The following PCLO variants were observed in gnomAD, a reference collection of about 807,000 sequenced individuals.
The protein encoded by PCLO is protein piccolo.
A neutral mutation model predicts 427.5 loss-of-function variants in PCLO; 82 were observed. The ratio of observed to expected loss-of-function variants is 0.19; its 90% CI spans 0.16 to 0.23. The LOEUF is 0.23. PCLO is among the 10% of genes least tolerant of loss of function. The probability of loss-of-function intolerance (pLI) is 1.00; values close to 1 mark genes in which losing one functional copy is unlikely to be tolerated. For missense variants in PCLO, 6,239 were observed against 6,115.9 expected (o/e 1.02, Z -0.67); for synonymous variants, 2,357 against 2,155.4 (o/e 1.09, Z -2.59).
intron 3 of PCLO, among the ~76,000 whole-genome samples, chr7:83,018,823 G>T (rs1788271448): frequency 6.6e-6 from 1 of 151,904 alleles, no homozygotes; most frequent in East Asian, 1.9e-4. Context: ...CTTAGTAAAG[G>T]ATTCCACAGC....
intron 3 of PCLO, among the ~76,000 whole-genome samples, chr7:83,015,699 G>A (rs1020585199): frequency 1.3e-5 from 2 of 152,190 alleles, no homozygotes; most frequent in African/African-American, 4.8e-5. Flanking sequence ...CCATTTTGAA[G>A]TAGCTAAATG....
At chr7:82,814,231 A>C (rs1376699422) in intron 20 of PCLO, among the ~76,000 whole-genome samples, 1 of 151,642 alleles carries the variant, frequency 6.6e-6, no homozygotes, top group East Asian at 1.9e-4. Context: ...ATATAAATTG[A>C]AAAAATGTCA....
chr7:82,824,400 G>C lies in PCLO; in HGVS notation c.14432C>G (p.Ser4811Cys). 1 of 1,596,308 alleles carries C rather than the reference G, an allele frequency of 6.3e-7. No individual in the cohort carries two copies. The highest frequency in any genetic ancestry group is 8.5e-7 in the Non-Finnish European group (1 of 1,170,232). The change falls in exon 19 of 25, where the codon TCT (serine) becomes TGT (cysteine). Residue 4811 changes from serine to cysteine, a missense_variant. Ser to Cys is a moderately radical substitution (Grantham distance 112). Transcript: ENST00000333891. ...DFLGEVLIDL[S>C]STSHLDNTPR... is the part of the protein sequence containing the mutation. ...AGTGTTATCGAGGTGAGATGTGCTA[G>C]ATAAATCAATCAATACCTGAAAAAA...
intron 10 of PCLO, among the ~76,000 whole-genome samples, chr7:82,856,102 G>A (rs1415354064): frequency 2.0e-5 from 3 of 152,086 alleles, no homozygotes; most frequent in African/African-American, 7.2e-5. Context: ...CTGATGTACA[G>A]AGGCCCAAAC....
At chr7:83,142,426 G>A (rs942817789) in intron 2 of PCLO, among the ~76,000 whole-genome samples, 3 of 152,240 alleles carry the variant, frequency 2.0e-5, no homozygotes, top group African/African-American at 7.2e-5. Context: ...CTGAGTAAGA[G>A]ATTCCCAGTC....
intron 8 of PCLO, among the ~76,000 whole-genome samples, chr7:82,903,162 A>G (rs1794099253): frequency 1.3e-5 from 2 of 151,832 alleles, no homozygotes; most frequent in African/African-American, 4.8e-5. Context: ...GTGCCGGGGG[A>G]GAAAAAATAG....
rs535053524 is a variant in PCLO, at chr7:82,947,499, G to T, written c.11112+1977C>A. Among the ~76,000 whole-genome samples, 24 of 152,174 alleles carry T rather than the reference G, an allele frequency of 1.6e-4. No individual in the cohort carries two copies. In the East Asian group the frequency reaches 4.4e-3, roughly 28 times the overall value. On this transcript the variant is annotated intron_variant, in intron 6 of 24. Coordinates refer to ENST00000333891, the MANE Select transcript of PCLO (RefSeq NM_033026.6). ...TTAAAATAGACTCAAAGTATGTCTA[G>T]ACATTTGCCTAGAAATTATAAAATT...
intron 3 of PCLO, among the ~76,000 whole-genome samples, chr7:82,992,697 CACGTCT>C (rs1796405506): frequency 6.6e-6 from 1 of 151,876 alleles, no homozygotes; most frequent in Non-Finnish European, 1.5e-5. Context: ...CACCATGGCA[CACGTCT>C]ACCTATGTAA....
intron 20 of PCLO, among the ~76,000 whole-genome samples, chr7:82,817,593 A>G (rs930481524): frequency 2.6e-5 from 4 of 152,168 alleles, no homozygotes; most frequent in African/African-American, 9.6e-5. Flanking sequence ...TGGCTTAGTA[A>G]GAGTTCACCA....
chr7:82,827,978 G>C lies in PCLO; in HGVS notation c.14250-12C>G. 6.8e-7 allele frequency: 1 copy of C among 1,476,964 alleles called. No homozygotes were observed. 91.5% of individuals were successfully genotyped at this position (1,476,964 alleles called of 1,614,324 possible). On this transcript the variant is annotated splice_polypyrimidine_tract_variant and intron_variant, in intron 16 of 24. Transcript: ENST00000333891. ...TCTTGTACTCAGCACTGAATTGGGA[G>C]AAAAGAAAGAGTTATCTTGATTATT...
intron 3 of PCLO, among the ~76,000 whole-genome samples, chr7:83,068,030 A>G (rs1018495247): frequency 5.3e-5 from 8 of 152,226 alleles, no homozygotes; most frequent in African/African-American, 1.7e-4. Flanking sequence ...ATAGGTATAC[A>G]TAAGAATTCT....
intron 3 of PCLO, among the ~76,000 whole-genome samples, chr7:83,061,021 C>A (rs942244332): frequency 4.6e-5 from 7 of 152,158 alleles, no homozygotes; most frequent in African/African-American, 1.7e-4. Context: ...TTGGGCACAA[C>A]AGATATATGG....
At position 83,135,204 on chromosome 7, in the gene PCLO, T is replaced by C. The variant is rs1791691144; in HGVS notation, c.2346A>G (p.Lys782=). The change falls in exon 3 of 25, where the codon AAA becomes AAG. Residue 782 remains lysine, a synonymous_variant. Coordinates refer to ENST00000333891, the MANE Select transcript of PCLO (RefSeq NM_033026.6). The part of the protein sequence containing the change: ...ATTKPDIPSS[K]VQSQAEEKTT... ...TTTTCTCTTCAGCTTGTGACTGTAC[T>C]TTGGAGCTTGGAATATCAGGTTTTG... The C allele has an allele frequency of 6.2e-7, 1 of 1,613,774 alleles. No individual in the cohort carries two copies. Among genetic ancestry groups the C allele is most frequent in the African/African-American group, 1.3e-5 (1 of 74,894 alleles).
intron 4 of PCLO, among the ~76,000 whole-genome samples, chr7:82,962,951 C>T (rs751626233): frequency 5.3e-5 from 8 of 151,742 alleles, no homozygotes; most frequent in Non-Finnish European, 7.4e-5. Context: ...TACTGTTTAC[C>T]TCATGGAAAA....
chr7:83,156,451 T>C, intron 1 of PCLO, 59 bp from the exon 2 acceptor site: 1 of 1,112,014 alleles, frequency 9.0e-7, no homozygotes, highest in East Asian at 2.6e-5. Context: ...TTATTTCAAA[T>C]CAAAGTAATA....
chr7:82,946,830 T>C (rs1795214888), intron 6 of PCLO, among the ~76,000 whole-genome samples: 1 of 152,200 alleles, frequency 6.6e-6, no homozygotes. Context: ...CTGATGTACA[T>C]TTTAGAAAAT....
intron 3 of PCLO, among the ~76,000 whole-genome samples, chr7:83,014,735 G>A (rs117179669): frequency 7.9e-4 from 120 of 152,114 alleles, no homozygotes; most frequent in South Asian, 6.9e-3. Context: ...GGATGTATCC[G>A]GCTACCTTTC....
rs746147472 is a variant in PCLO at position 83,155,531 on chromosome 7, C to T, written c.1110G>A (p.Lys370=). ...CTGACCCAGTCTGCTGAGCTGGAGG[C>T]TTAGCAGGACCAAGAGGCTGAGCTG... is the stretch of plus-strand genomic sequence containing the variant. The part of the protein sequence containing the change: ...KPPAQPLGPA[K]PPAQQTGSEK... Residue 370 remains lysine (K), a synonymous_variant, in exon 2 of 25, where the codon AAG becomes AAA. Transcript: ENST00000333891. The T allele has an allele frequency of 2.5e-6, 4 of 1,612,704 alleles. No individual in the cohort carries two copies. Among genetic ancestry groups the T allele is most frequent in the East Asian group, 2.2e-5 (1 of 44,756 alleles).
chr7:82,983,810 T>C (rs1165492555), intron 3 of PCLO, among the ~76,000 whole-genome samples: 1 of 151,938 alleles, frequency 6.6e-6, no homozygotes, highest in Non-Finnish European at 1.5e-5. Context: ...TTATATGTTC[T>C]TTTACATTCT....
Sources: allele counts gnomAD v4.1 joint callset (sites outside exome capture counted in the v4.1 genomes callset), GRCh38; gene constraint gnomAD v4.1.1; transcripts MANE v1.5; gene names NCBI Gene and HGNC (gene_info 2026-07-23, HGNC 2026-07-21).